BIVM: variants seen among roughly 807,000 people sequenced by gnomAD.
BIVM encodes basic, immunoglobulin-like variable motif containing, also known as basic immunoglobulin-like variable motif-containing protein.
In BIVM, 31 loss-of-function variants were observed where a neutral mutation model predicts 61.4. The ratio of observed to expected loss-of-function variants is 0.51; its 90% CI spans 0.38 to 0.68. The LOEUF (loss-of-function observed/expected upper bound fraction) is 0.68. Ranked by LOEUF, BIVM falls within the 30% of genes least tolerant of loss-of-function variation. BIVM has a pLI of 0.00. For synonymous variants in BIVM, 189 were observed against 210.7 expected (o/e 0.90, Z 0.89); for missense variants, 526 against 596.0 (o/e 0.88, Z 1.22).
intron 3 of BIVM, among the ~76,000 whole-genome samples, chr13:102,813,650 A>G (rs1419974020): frequency 6.6e-6 from 1 of 152,144 alleles, no homozygotes; most frequent in Non-Finnish European, 1.5e-5. Context: ...TTTGCATTGT[A>G]TCCTAGAGAG....
chr13:102,841,240 T>C lies in BIVM; in HGVS notation c.*1375T>C, dbSNP rs1881774343. On this transcript the variant is annotated 3_prime_UTR_variant, in exon 11 of 11. Transcript: ENST00000257336. ...GGACTCAAATCAGTAACTTGGTGAT[T>C]ACAAGGTGCTGAATGTGTTGGTAAC... 6.6e-6 allele frequency: 1 copy of C among 152,652 alleles called. No individual in the cohort carries two copies. The allele number at this position is 152,652 out of a possible 1,614,324, so 9.5% of individuals were successfully genotyped here.
chr13:102,813,104 CA>C (rs1879616480), intron 3 of BIVM, among the ~76,000 whole-genome samples: 1 of 152,210 alleles, frequency 6.6e-6, no homozygotes, highest in Non-Finnish European at 1.5e-5. Context: ...TCTGGAATTC[CA>C]AAATAATTAC....
chr13:102,803,054 G>A (rs190465565), intron 1 of BIVM, among the ~76,000 whole-genome samples: 230 of 151,876 alleles, frequency 1.5e-3, no homozygotes, highest in African/African-American at 5.3e-3. Flanking sequence ...TGGGCATGGT[G>A]GCTTGTGCCT....
At chr13:102,811,333 A>G (rs1369532633) in intron 3 of BIVM, among the ~76,000 whole-genome samples, 2 of 152,136 alleles carry the variant, frequency 1.3e-5, no homozygotes, top group Non-Finnish European at 2.9e-5. Context: ...CTTTTGAAGG[A>G]CAGTTTTGCT....
rs1880241602 is a variant in BIVM at position 102,821,064 on chromosome 13, G to T, written c.633G>T (p.Lys211Asn). 6.2e-7 allele frequency: 1 copy of T among 1,613,358 alleles called. No homozygotes were observed. The highest frequency in any genetic ancestry group is 8.5e-7 in the Non-Finnish European group (1 of 1,179,862). The change falls in exon 5 of 11, where the codon AAG (lysine) becomes AAT (asparagine). Residue 211 changes from lysine to asparagine, a missense_variant. Physicochemically the swap from Lys to Asn is moderately conservative, Grantham distance 94. Transcript: ENST00000257336. Reference sequence around the variant, plus strand: ...ACTGCATAAGCCGACCACAGTATAAGACTTCTTGTGGCATCTCTTCATTAA... The same window carrying T: ...ACTGCATAAGCCGACCACAGTATAATACTTCTTGTGGCATCTCTTCATTAA... ...RWYCISRPQY[K>N]TSCGISSLIS...
rs193264123 is a variant in BIVM, at chr13:102,800,090, T to C, written c.-207+569T>C. Among the ~76,000 whole-genome samples, 1,420 of 152,312 alleles carry C rather than the reference T, an allele frequency of 9.3e-3. 21 individuals carry two copies. Among genetic ancestry groups the C allele is most frequent in the African/African-American group, 0.032 (1,350 of 41,584 alleles). The stretch of plus-strand genomic sequence containing the variant: ...TGCCCCGAAAACCCAGAAGAGCCGG[T>C]GGCTCCGAGCCAAGGCGGGCCTGGT... On this transcript the variant is annotated intron_variant, in intron 1 of 10. Transcript: ENST00000257336.
At chr13:102,800,601 G>A (rs1878694062) in intron 1 of BIVM, 1 of 152,380 alleles carries the variant, frequency 6.6e-6, no homozygotes, top group South Asian at 2.1e-4. Context: ...GCCCGGCCGA[G>A]CGGCGAGCTT....
chr13:102,811,519 G>A lies in BIVM; in HGVS notation c.478+3774G>A, dbSNP rs555467274. Among the ~76,000 whole-genome samples the A allele has an allele frequency of 2.0e-5, 3 of 152,262 alleles. No homozygotes were observed. In the East Asian group the frequency reaches 5.8e-4, roughly 29 times the overall value. On this transcript the variant is annotated intron_variant, in intron 3 of 10. Coordinates refer to ENST00000257336, the MANE Select transcript of BIVM (RefSeq NM_017693.4). ...TGCTTTTAAGAGTCTTTGTCTTTTT[G>A]CAATTTTTAAATTTTTTATTTGATA...
chr13:102,817,519 T>C (rs1879945256), intron 4 of BIVM, among the ~76,000 whole-genome samples: 1 of 152,176 alleles, frequency 6.6e-6, no homozygotes, highest in African/African-American at 2.4e-5. Context: ...TTCTTTCTCC[T>C]CTGGTACCCT....
chr13:102,818,560 C>T lies in BIVM; in HGVS notation c.605+2006C>T, dbSNP rs1336920203. On this transcript the variant is annotated intron_variant, in intron 4 of 10. Coordinates refer to ENST00000257336, the MANE Select transcript of BIVM (RefSeq NM_017693.4). ...AATCACTTAGATTTAAGCTTTGTTT[C>T]AACAACAAATCTGTGTAACTACATA... 9.8e-4 allele frequency among the ~76,000 whole-genome samples: 149 copies of T among 152,206 alleles called. 1 individual carries two copies. The highest frequency in any genetic ancestry group is 1.8e-4 in the Non-Finnish European group (12 of 67,994).
At chr13:102,813,248 A>G (rs1362123770) in intron 3 of BIVM, among the ~76,000 whole-genome samples, 1 of 152,234 alleles carries the variant, frequency 6.6e-6, no homozygotes, top group Non-Finnish European at 1.5e-5. Flanking sequence ...ACATACATTT[A>G]TGAGATTTAG....
intron 8 of BIVM, among the ~76,000 whole-genome samples, chr13:102,831,983 T>G (rs1881122316): frequency 3.7e-5 from 1 of 27,022 alleles, no homozygotes; most frequent in Non-Finnish European, 2.2e-4. Context: ...AGGCAGAACT[T>G]GCAAAAAAAA....
intron 8 of BIVM, among the ~76,000 whole-genome samples, chr13:102,833,327 G>GTTTTTTTTTTTTTTTGTT (rs1881236252): frequency 1.3e-5 from 1 of 79,598 alleles, no homozygotes; most frequent in Non-Finnish European, 2.6e-5. Flanking sequence ...GATAGGATGG[G>GTTTTTTTTTTTTTTTGTT]TTTTTTTTTT....
chr13:102,810,954 C>T (rs1371061967), intron 3 of BIVM, among the ~76,000 whole-genome samples: 1 of 152,140 alleles, frequency 6.6e-6, no homozygotes, highest in African/African-American at 2.4e-5. Flanking sequence ...TGGTCTTGAA[C>T]TCCTGGGCTC....
At chr13:102,837,812 A>G (rs1881582633) in intron 9 of BIVM, among the ~76,000 whole-genome samples, 1 of 152,264 alleles carries the variant, frequency 6.6e-6, no homozygotes, top group South Asian at 2.1e-4. Flanking sequence ...GGAAAGCCAA[A>G]TATCATATGT....
intron 3 of BIVM, among the ~76,000 whole-genome samples, chr13:102,809,874 C>T (rs950248419): frequency 2.0e-5 from 3 of 151,900 alleles, no homozygotes; most frequent in Non-Finnish European, 4.4e-5. Context: ...CAAGCTCCGC[C>T]TCCCGGGTTC....
At chr13:102,829,860 T>TA (rs1378509625) in intron 7 of BIVM, among the ~76,000 whole-genome samples, 6 of 143,894 alleles carry the variant, frequency 4.2e-5, no homozygotes, top group Admixed American at 7.1e-5. Flanking sequence ...TAAAATAAAA[T>TA]AAATAATTAA....
intron 3 of BIVM, among the ~76,000 whole-genome samples, chr13:102,809,247 C>T (rs1335317096): frequency 6.6e-6 from 1 of 152,132 alleles, no homozygotes; most frequent in Non-Finnish European, 1.5e-5. Context: ...TTTCTAATTT[C>T]CTTTGCAATT....
intron 8 of BIVM, 115 bp downstream of exon 8, chr13:102,831,812 G>A (rs990268036): frequency 3.6e-6 from 4 of 1,100,480 alleles, no homozygotes; most frequent in Non-Finnish European, 5.0e-6. Context: ...GGCGGATCAC[G>A]AGGTCAGAAG....
Sources: gnomAD v4.1 joint callset for allele counts (sites outside exome capture counted in the v4.1 genomes callset) on GRCh38, gnomAD v4.1.1 for gene constraint, MANE v1.5 for transcripts, NCBI Gene and HGNC (gene_info 2026-07-23, HGNC 2026-07-21) for gene names.